The following MTAP variants were observed in gnomAD, a reference collection of about 807,000 sequenced individuals.
The protein encoded by MTAP is S-methyl-5'-thioadenosine phosphorylase.
MTAP carries 33 observed loss-of-function variants against 33.6 expected under a neutral mutation model. That is an observed-to-expected ratio of 0.98 (90% CI 0.74 to 1.31). The LOEUF (loss-of-function observed/expected upper bound fraction) is 1.31. MTAP is among the 40% of genes most tolerant of loss of function. The pLI, the probability that MTAP is intolerant of heterozygous loss-of-function variation, is 0.00. For missense variants in MTAP, 367 were observed against 360.0 expected, an observed-to-expected ratio of 1.02 and a Z score of -0.16; for synonymous variants, 148 against 125.7, an observed-to-expected ratio of 1.18 and a Z score of -1.19.
chr9:21,819,471 A>C (rs919040846), intron 4 of MTAP, among the ~76,000 whole-genome samples: 5 of 152,196 alleles, frequency 3.3e-5, no homozygotes, highest in Admixed American at 6.5e-5. Context: ...GACAGGAACT[A>C]ATCCCTTTTT....
intron 1 of MTAP, among the ~76,000 whole-genome samples, chr9:21,917,692 A>G (rs144692642): frequency 1.3e-5 from 2 of 152,320 alleles, no homozygotes; most frequent in Non-Finnish European, 2.9e-5. Flanking sequence ...CAGATTCCTT[A>G]AAGAACTAAA....
intron 1 of MTAP, among the ~76,000 whole-genome samples, chr9:21,879,939 G>T (rs1224412488): frequency 6.6e-6 from 1 of 152,000 alleles, no homozygotes; most frequent in African/African-American, 2.4e-5. Flanking sequence ...TAGGCGGCCT[G>T]CCCTTTCTCT....
At chr9:21,820,036 A>G (rs941442635) in intron 4 of MTAP, among the ~76,000 whole-genome samples, 2 of 152,068 alleles carry the variant, frequency 1.3e-5, no homozygotes, top group African/African-American at 4.8e-5. Flanking sequence ...TAGATTCTGG[A>G]TATTAGCCCT....
At chr9:21,914,391 T>G (rs548195019) in intron 1 of MTAP, among the ~76,000 whole-genome samples, 1 of 152,232 alleles carries the variant, frequency 6.6e-6, no homozygotes, top group East Asian at 1.9e-4. Context: ...CAAATGTCCA[T>G]CAATGATAGA....
intron 4 of MTAP, among the ~76,000 whole-genome samples, chr9:21,821,702 A>G (rs572434202): frequency 2.6e-5 from 4 of 152,308 alleles, no homozygotes; most frequent in Non-Finnish European, 5.9e-5. Context: ...AAGGAATGGT[A>G]CCAGCTCCTC....
rs1265298006 is a variant in MTAP, at chr9:21,838,027, G to T, written c.450+17G>T. 1.2e-6 allele frequency: 2 copies of T among 1,604,624 alleles called. No individual in the cohort carries two copies. On this transcript the variant is annotated intron_variant, in intron 5 of 7. Coordinates refer to ENST00000644715, the MANE Select transcript of MTAP (RefSeq NM_002451.4). The stretch of plus-strand genomic sequence containing the variant: ...ACGAGAGAGGTGTGTAGTCTTTCTG[G>T]AAGGTGTACCAGAATAAATCATGTG...
intron 1 of MTAP, among the ~76,000 whole-genome samples, chr9:21,906,378 G>A (rs548957166): frequency 4.6e-4 from 70 of 152,238 alleles, no homozygotes; most frequent in African/African-American, 1.3e-3. Flanking sequence ...AGGGTTAAAC[G>A]TCAGACTGAA....
At chr9:21,867,547 G>C (rs1363344383), downstream of MTAP, among the ~76,000 whole-genome samples, 4 of 152,016 alleles carry the variant, frequency 2.6e-5, no homozygotes, top group Non-Finnish European at 5.9e-5. Context: ...TATAATGCTG[G>C]ATTCGGTTTG....
intron 7 of MTAP, chr9:21,860,134 A>T (rs1825723878): frequency 6.6e-6 from 1 of 152,210 alleles, no homozygotes; most frequent in Admixed American, 6.5e-5. Flanking sequence ...TGAAAGGTTG[A>T]TCTAAGCCCT....
At chr9:21,812,167 G>C (rs895534068) in intron 1 of MTAP, 3 of 197,312 alleles carry the variant, frequency 1.5e-5, no homozygotes, top group East Asian at 3.1e-4. Context: ...AAGTGCAGGT[G>C]GGGGAACAGG....
At chr9:21,916,120 G>GAAGGAAGGAAGGA (rs1397028813) in intron 1 of MTAP, among the ~76,000 whole-genome samples, 31 of 142,156 alleles carry the variant, frequency 2.2e-4, no homozygotes, top group African/African-American at 8.5e-4. Context: ...AGGAAGGAAG[G>GAAGGAAGGAAGGA]AGGGAGGGAA....
chr9:21,863,142 T>A lies in MTAP; in HGVS notation c.*1128T>A, dbSNP rs1177797714. 3 of 976,136 alleles carry A rather than the reference T, an allele frequency of 3.1e-6. No individual in the cohort carries two copies. The South Asian group carries it at 1.4e-4, about 46-fold the overall frequency. 60.5% of individuals were successfully genotyped at this position (976,136 alleles called of 1,614,324 possible). ...AGGTGTTTAATAGTTTAACTGAAAG[T>A]TTAACTATTTAAAAGACTAAATGCA... is the stretch of plus-strand genomic sequence containing the variant. On this transcript the variant is annotated 3_prime_UTR_variant, in exon 8 of 8. Coordinates refer to ENST00000644715, the MANE Select transcript of MTAP (RefSeq NM_002451.4).
At chr9:21,909,699 C>G (rs1818538395) in intron 1 of MTAP, among the ~76,000 whole-genome samples, 1 of 152,124 alleles carries the variant, frequency 6.6e-6, no homozygotes, top group South Asian at 2.1e-4. Context: ...AATAACTGTG[C>G]TAAGCATAAA....
Position 21,873,694 on chromosome 9 carries a change from G to A in MTAP, c.147+18824G>A, listed in dbSNP as rs76296878. 7.6e-5 allele frequency among the ~76,000 whole-genome samples: 11 copies of A among 145,660 alleles called. No homozygotes were observed. In the East Asian group the frequency reaches 2.0e-3, roughly 27 times the overall value. ...GATACTTTGTTATAGCCACCCAAAA[G>A]GACTAAGACAGCAGCCACTAAAAAG... On this transcript the variant is annotated intron_variant, in intron 1 of 1. Coordinates refer to the MTAP transcript ENST00000577563.
intron 1 of MTAP, among the ~76,000 whole-genome samples, chr9:21,807,328 G>A (rs75002873): frequency 0.016 from 2,445 of 152,306 alleles, 44 homozygotes; most frequent in South Asian, 0.058. Context: ...TACACTCCCT[G>A]CTTTGCTGTC....
intron 4 of MTAP, among the ~76,000 whole-genome samples, chr9:21,828,004 G>T (rs1334101121): frequency 1.3e-5 from 2 of 152,218 alleles, no homozygotes; most frequent in Non-Finnish European, 2.9e-5. Flanking sequence ...ACTATACGCT[G>T]TTGCATTTCC....
At chr9:21,816,287 T>C (rs1253932742) in intron 2 of MTAP, among the ~76,000 whole-genome samples, 2 of 152,192 alleles carry the variant, frequency 1.3e-5, no homozygotes, top group East Asian at 3.9e-4. Context: ...ATTTCCATGA[T>C]CATCTTAGAC....
chr9:21,921,848 G>C (rs766849133), intron 1 of MTAP, among the ~76,000 whole-genome samples: 1 of 152,078 alleles, frequency 6.6e-6, no homozygotes, highest in Non-Finnish European at 1.5e-5. Context: ...AGGCATGGTG[G>C]CACAAGCCTG....
rs1824080641 is a variant in MTAP, at chr9:21,802,729, G to T, written c.-20G>T. On this transcript the variant is annotated 5_prime_UTR_variant, in exon 1 of 8. Transcript: ENST00000644715. ...TAGTCCCGAGCGCTCGCCCACTGCA[G>T]ATTCCTTTCCCGTGCAGACATGGCC... 1 of 1,612,620 alleles carries T rather than the reference G, an allele frequency of 6.2e-7. No homozygotes were observed. Among genetic ancestry groups the T allele is most frequent in the South Asian group, 1.1e-5 (1 of 90,916 alleles).
Sources: allele counts gnomAD v4.1 joint callset (sites outside exome capture counted in the v4.1 genomes callset), GRCh38; gene constraint gnomAD v4.1.1; transcripts MANE v1.5; gene names NCBI Gene and HGNC (gene_info 2026-07-23, HGNC 2026-07-21).